TMEM168: variants seen among roughly 807,000 people sequenced by gnomAD.
The protein encoded by TMEM168 is transmembrane protein 168.
A neutral mutation model predicts 53.2 loss-of-function variants in TMEM168; 40 were observed. The ratio of observed to expected loss-of-function variants is 0.75; its 90% CI spans 0.58 to 0.98. The LOEUF (loss-of-function observed/expected upper bound fraction) is 0.98. Among genes scored for constraint, TMEM168 ranks in the 50% least tolerant of loss-of-function variants. The probability of loss-of-function intolerance (pLI) is 0.00; values close to 1 mark genes in which losing one functional copy is unlikely to be tolerated. For missense variants in TMEM168, 771 were observed against 828.8 expected (o/e 0.93, Z 0.86); for synonymous variants, 282 against 293.0 (o/e 0.96, Z 0.38).
At chr7:112,785,636 T>C (rs1283153490) in intron 1 of TMEM168, among the ~76,000 whole-genome samples, 4 of 152,132 alleles carry the variant, frequency 2.6e-5, no homozygotes, top group Admixed American at 6.5e-5. Context: ...CCTGACAAAT[T>C]CCGAGTCAAA....
intron 4 of TMEM168, among the ~76,000 whole-genome samples, chr7:112,768,550 A>G (rs1241825200): frequency 6.6e-6 from 1 of 152,154 alleles, no homozygotes; most frequent in Non-Finnish European, 1.5e-5. Context: ...AAATATATAT[A>G]CCCAGAAAGT....
rs536308208 is a variant in TMEM168 at position 112,763,825 on chromosome 7, T to A, written c.*3372A>T. ...AAACAAAAATCTACCCACTAATGCA[T>A]TAAATATAAGTGCATTTTAATTAAG... On this transcript the variant is annotated 3_prime_UTR_variant, in exon 5 of 5. Coordinates refer to ENST00000312814, the MANE Select transcript of TMEM168 (RefSeq NM_022484.6). The A allele has an allele frequency of 3.3e-5, 5 of 152,278 alleles. No individual in the cohort carries two copies. The South Asian group carries it at 1.0e-3, about 32-fold the overall frequency. The allele number at this position is 152,278 out of a possible 1,614,324, so 9.4% of individuals were successfully genotyped here.
intron 1 of TMEM168, among the ~76,000 whole-genome samples, chr7:112,789,501 C>A (rs1427250498): frequency 6.6e-6 from 1 of 152,212 alleles, no homozygotes; most frequent in East Asian, 1.9e-4. Flanking sequence ...TTAGCTATAT[C>A]CCACAACTAA....
rs1792786955 is a variant in TMEM168 at position 112,766,676 on chromosome 7, TGC to T, written c.*519_*520del. On this transcript the variant is annotated 3_prime_UTR_variant, in exon 5 of 5. Coordinates refer to ENST00000312814, the MANE Select transcript of TMEM168 (RefSeq NM_022484.6). ...AATGTGATGGAGTATAAGCAAATTT[TGC>T]GTTTATTTTAGGCTGCCCTCTTTCT... 1 of 153,042 alleles carries T rather than the reference TGC, an allele frequency of 6.5e-6. No individual in the cohort carries two copies. Among genetic ancestry groups the T allele is most frequent in the South Asian group, 2.1e-4 (1 of 4,836 alleles). 9.5% of individuals were successfully genotyped at this position (153,042 alleles called of 1,614,324 possible).
At chr7:112,771,763 A>G (rs796696750) in intron 4 of TMEM168, among the ~76,000 whole-genome samples, 2 of 151,756 alleles carry the variant, frequency 1.3e-5, no homozygotes, top group African/African-American at 4.8e-5. Context: ...TACTACTTCT[A>G]TTTATCTTTT....
rs775567267 is a variant in TMEM168 at position 112,775,325 on chromosome 7, G to C, written c.1129-7C>G. ...AGAAAATTCCATTTGTTGGCTAAAAGAAATCCAAAACATGTTTACATAGTA... is the reference window on the plus strand; with the variant it reads ...AGAAAATTCCATTTGTTGGCTAAAACAAATCCAAAACATGTTTACATAGTA... On this transcript the variant is annotated splice_polypyrimidine_tract_variant and splice_region_variant and intron_variant, in intron 2 of 4. Transcript: ENST00000312814. 2 of 1,611,228 alleles carry C rather than the reference G, an allele frequency of 1.2e-6. No homozygotes were observed. Among genetic ancestry groups the C allele is most frequent in the Admixed American group, 3.4e-5 (2 of 59,660 alleles).
intron 3 of TMEM168, among the ~76,000 whole-genome samples, chr7:112,773,855 A>G (rs1162525150): frequency 6.6e-6 from 1 of 152,160 alleles, no homozygotes; most frequent in East Asian, 1.9e-4. Flanking sequence ...GTCACAAAAG[A>G]GTAAGGAATA....
At chr7:112,775,381 T>G in intron 2 of TMEM168, 63 bp from the exon 3 acceptor site, 1 of 1,346,328 alleles carries the variant, frequency 7.4e-7, no homozygotes, top group Non-Finnish European at 1.0e-6. Flanking sequence ...TTTACATGCA[T>G]GCACATTGAT....
chr7:112,789,497 A>G lies in TMEM168; in HGVS notation c.-129+663T>C, dbSNP rs139849935. ...CCTAAAGAGAATACAGAACTTAGCT[A>G]TATCCCACAACTAATAACTAGTAGA... On this transcript the variant is annotated intron_variant, in intron 1 of 4. Coordinates refer to ENST00000312814, the MANE Select transcript of TMEM168 (RefSeq NM_022484.6). 1.8e-4 allele frequency among the ~76,000 whole-genome samples: 27 copies of G among 152,344 alleles called. No individual in the cohort carries two copies. The East Asian group carries it at 4.6e-3, about 26-fold the overall frequency.
rs1030608756 is a variant in TMEM168 at position 112,790,353 on chromosome 7, G to T, written c.-322C>A. On this transcript the variant is annotated 5_prime_UTR_variant, in exon 1 of 5. Transcript: ENST00000312814. ...GTCGGCGTAAACTTTCTCCGTTACC[G>T]GCCCGGCCGCGACCGCCATGTTTCC... The T allele has an allele frequency of 3.3e-5, 5 of 152,292 alleles. No homozygotes were observed. Among genetic ancestry groups the T allele is most frequent in the African/African-American group, 7.2e-5 (3 of 41,466 alleles). 9.4% of individuals were successfully genotyped at this position (152,292 alleles called of 1,614,324 possible).
chr7:112,783,966 T>C lies in TMEM168; in HGVS notation c.860A>G (p.Asp287Gly). 1.2e-6 allele frequency: 2 copies of C among 1,612,352 alleles called. No homozygotes were observed. The highest frequency in any genetic ancestry group is 1.3e-5 in the African/African-American group (1 of 74,940). ...FFILSAFKLR[D>G]THLWYFVIPG... is the part of the protein sequence containing the mutation. ...TATTACAAAATACCAGAGGTGAGTG[T>C]CTCTAAGTTTGAATGCGGAAAGAAT... Residue 287 changes from aspartate (D) to glycine (G), a missense_variant, in exon 2 of 5, where the codon GAC (aspartate) becomes GGC (glycine). By Grantham distance (94) the Asp-to-Gly change is moderately conservative (BLOSUM62 -1). Transcript: ENST00000312814.
At chr7:112,773,084 T>C (rs889158356) in intron 3 of TMEM168, 29 bp from the exon 4 acceptor site, 28 of 1,552,938 alleles carry the variant, frequency 1.8e-5, no homozygotes, top group Non-Finnish European at 2.4e-5. Context: ...CAAGAAGTAC[T>C]CATTCTATAT....
Position 112,764,489 on chromosome 7 carries a change from T to TTA in TMEM168, c.*2706_*2707dup, listed in dbSNP as rs1792724730. On this transcript the variant is annotated 3_prime_UTR_variant, in exon 5 of 5. Coordinates refer to ENST00000312814, the MANE Select transcript of TMEM168 (RefSeq NM_022484.6). ...GTAATATTTCTTTTCTACACCCTTA[T>TTA]TATTTTTTTTGTTTGTTTCTTTTTT... 1 of 150,180 alleles carries TTA rather than the reference T, an allele frequency of 6.7e-6. No homozygotes were observed. The highest frequency in any genetic ancestry group is 1.9e-4 in the East Asian group (1 of 5,188). The allele number at this position is 150,180 out of a possible 1,614,324, so 9.3% of individuals were successfully genotyped here. A position where few individuals can be genotyped will look rare whatever the true frequency, so the allele number is the denominator to read the frequency against.
At chr7:112,784,992 A>G (rs1793341756) in intron 1 of TMEM168, 39 bp from the exon 2 acceptor site, 1 of 507,650 alleles carries the variant, frequency 2.0e-6, no homozygotes, top group Non-Finnish European at 3.2e-6. Flanking sequence ...TTAATTTTAT[A>G]TAATTTACTC....
chr7:112,763,270 GTTT>G lies in TMEM168; in HGVS notation c.*3924_*3926del, dbSNP rs1442399284. ...TGCTTTCTTTTTATGGATTCTGTAA[GTTT>G]TTTACTAAATTACTTGCTTAATGAA... is the stretch of plus-strand genomic sequence containing the variant. On this transcript the variant is annotated 3_prime_UTR_variant, in exon 5 of 5. Coordinates refer to ENST00000312814, the MANE Select transcript of TMEM168 (RefSeq NM_022484.6). The G allele has an allele frequency of 1.3e-5, 2 of 152,020 alleles. No individual in the cohort carries two copies. The highest frequency in any genetic ancestry group is 6.6e-5 in the Admixed American group (1 of 15,254). The allele number at this position is 152,020 out of a possible 1,614,324, so 9.4% of individuals were successfully genotyped here. A position where few individuals can be genotyped will look rare whatever the true frequency, so the allele number is the denominator to read the frequency against.
Position 112,765,399 on chromosome 7 carries a change from A to ACTT in TMEM168, c.*1795_*1797dup, listed in dbSNP as rs762661314. 1 of 152,164 alleles carries ACTT rather than the reference A, an allele frequency of 6.6e-6. No homozygotes were observed. The highest frequency in any genetic ancestry group is 2.4e-5 in the African/African-American group (1 of 41,450). 9.4% of individuals were successfully genotyped at this position (152,164 alleles called of 1,614,324 possible). On this transcript the variant is annotated 3_prime_UTR_variant, in exon 5 of 5. Coordinates refer to ENST00000312814, the MANE Select transcript of TMEM168 (RefSeq NM_022484.6). ...CTACCTTATAAAGAATGCAGAATAT[A>ACTT]CTTTTGTATTTGGCTTTCTTAAAGT... is the stretch of plus-strand genomic sequence containing the variant.
At chr7:112,783,553 G>T in intron 2 of TMEM168, 145 bp downstream of exon 2, 1 of 824,128 alleles carries the variant, frequency 1.2e-6, no homozygotes. Context: ...AACACATTCA[G>T]TGCTTCAATT....
rs574851619 is a variant in TMEM168, at chr7:112,764,036, A to G, written c.*3161T>C. The stretch of plus-strand genomic sequence containing the variant: ...TGAATAAAATGATGGCATAACTGAA[A>G]AGTCATGGGGAGAGAAAGAACTTGG... On this transcript the variant is annotated 3_prime_UTR_variant, in exon 5 of 5. Transcript: ENST00000312814. 2.0e-5 allele frequency: 3 copies of G among 152,168 alleles called. No individual in the cohort carries two copies. The East Asian group carries it at 5.8e-4, about 29-fold the overall frequency. 9.4% of individuals were successfully genotyped at this position (152,168 alleles called of 1,614,324 possible).
In TMEM168 at chr7:112,784,603, G is replaced by C; in HGVS notation, c.223C>G (p.Leu75Val). ...LVIFILGLFVLGIASILYYYF... is the reference protein window; with the variant it reads ...LVIFILGLFVVGIASILYYYF... ...TAATAGAGTATGCTGGCGATTCCAA[G>C]AACAAAAAGACCAAGAATAAAAATT... The change falls in exon 2 of 5, where the codon CTT (leucine) becomes GTT (valine). Residue 75 changes from leucine (L) to valine (V), a missense_variant. Leu to Val is a conservative substitution (Grantham distance 32, BLOSUM62 1). Coordinates refer to ENST00000312814, the MANE Select transcript of TMEM168 (RefSeq NM_022484.6). 1 of 1,611,394 alleles carries C rather than the reference G, an allele frequency of 6.2e-7. No individual in the cohort carries two copies. Among genetic ancestry groups the C allele is most frequent in the Non-Finnish European group, 8.5e-7 (1 of 1,179,298 alleles).
Sources: allele counts gnomAD v4.1 joint callset (sites outside exome capture counted in the v4.1 genomes callset), GRCh38; gene constraint gnomAD v4.1.1; transcripts MANE v1.5; gene names NCBI Gene and HGNC (gene_info 2026-07-23, HGNC 2026-07-21).